Variants in LRCH3 observed in about 807,000 individuals in gnomAD.
The protein encoded by LRCH3 is leucine rich repeats and calponin homology domain containing 3, also known as DISP complex protein LRCH3.
LRCH3 carries 68 observed loss-of-function variants against 104.5 expected under a neutral mutation model. The ratio of observed to expected loss-of-function variants is 0.65; its 90% CI spans 0.54 to 0.80. LRCH3 has a LOEUF of 0.80. Ranked by LOEUF, LRCH3 falls within the 30% of genes least tolerant of loss-of-function variation. The pLI is 0.00. For synonymous variants in LRCH3, 344 were observed against 361.3 expected (o/e 0.95, Z 0.54); for missense variants, 951 against 953.9 (o/e 1.00, Z 0.04).
At chr3:197,800,636 TC>T (rs1440282932) in intron 1 of LRCH3, among the ~76,000 whole-genome samples, 1 of 152,206 alleles carries the variant, frequency 6.6e-6, no homozygotes, top group East Asian at 1.9e-4. Flanking sequence ...ATACACATAT[TC>T]TGTGACTCAG....
rs1714289603 is a variant in LRCH3, at chr3:197,887,373, T to A, written c.*3707T>A. On this transcript the variant is annotated 3_prime_UTR_variant, in exon 21 of 21. Transcript: ENST00000425562. ...GAGCCCCCCAGCAGAGCCCTTCCCA[T>A]CACTGACAGTGTGTCGGCAGCTGAG... 2 of 147,260 alleles carry A rather than the reference T, an allele frequency of 1.4e-5. No homozygotes were observed. Among genetic ancestry groups the A allele is most frequent in the Admixed American group, 1.4e-4 (2 of 14,510 alleles). 9.1% of individuals were successfully genotyped at this position (147,260 alleles called of 1,614,324 possible). A position where few individuals can be genotyped will look rare whatever the true frequency, so the allele number is the denominator to read the frequency against.
chr3:197,867,500 T>A (rs1416175655), intron 17 of LRCH3, among the ~76,000 whole-genome samples: 1 of 151,766 alleles, frequency 6.6e-6, no homozygotes, highest in Non-Finnish European at 1.5e-5. Flanking sequence ...ATGGGATCAC[T>A]TGAGCTCAGG....
rs1733887934 is a variant in LRCH3, at chr3:197,817,112, AAG to A, written c.408-58_408-57del. The stretch of plus-strand genomic sequence containing the variant: ...TTATTTTACTGAGTATAGCGTGAGA[AAG>A]AGAGAAAATTTTTCTTCAGTGGTGG... On this transcript the variant is annotated intron_variant, in intron 2 of 20. Transcript: ENST00000425562. The A allele has an allele frequency of 5.4e-6, 8 of 1,483,328 alleles. No individual in the cohort carries two copies. In the South Asian group the frequency reaches 6.3e-5, roughly 12 times the overall value. 91.9% of individuals were successfully genotyped at this position (1,483,328 alleles called of 1,614,324 possible).
intron 10 of LRCH3, among the ~76,000 whole-genome samples, chr3:197,842,673 A>G (rs1399771762): frequency 6.6e-6 from 1 of 152,210 alleles, no homozygotes; most frequent in Non-Finnish European, 1.5e-5. Flanking sequence ...GGGAGATCAT[A>G]AACATAGGGA....
At chr3:197,867,817 C>T (rs150070717) in intron 17 of LRCH3, among the ~76,000 whole-genome samples, 16,456 of 151,698 alleles carry the variant, frequency 0.11, 925 homozygotes, top group African/African-American at 0.13. Context: ...ATCGCACCAC[C>T]GCACTCCAGC....
chr3:197,811,337 T>A, intron 1 of LRCH3, among the ~76,000 whole-genome samples: 1 of 152,320 alleles, frequency 6.6e-6, no homozygotes, highest in East Asian at 1.9e-4. Flanking sequence ...CATTTACCAT[T>A]TCTTTATATG....
chr3:197,832,159 A>C (rs773453040), intron 7 of LRCH3, 38 bp from the exon 8 acceptor site: 72 of 1,591,366 alleles, frequency 4.5e-5, no homozygotes, highest in Non-Finnish European at 5.7e-5. Context: ...GCCAGGCTCT[A>C]AAATGATTGT....
At chr3:197,830,961 AC>A (rs1282657661) in intron 7 of LRCH3, 98 bp downstream of exon 7, 1 of 1,043,202 alleles carries the variant, frequency 9.6e-7, no homozygotes, top group African/African-American at 1.6e-5. Flanking sequence ...GTTTCTCACT[AC>A]ATAAAATACA....
At chr3:197,820,281 T>A (rs1734334448) in intron 3 of LRCH3, 44 bp from the exon 4 acceptor site, 10 of 1,377,336 alleles carry the variant, frequency 7.3e-6, no homozygotes, top group Non-Finnish European at 1.0e-5. Context: ...GCAGACAAGT[T>A]TGTAATGTTA....
chr3:197,813,606 C>T (rs994537921), intron 1 of LRCH3, among the ~76,000 whole-genome samples: 5 of 144,202 alleles, frequency 3.5e-5, no homozygotes, highest in Admixed American at 2.1e-4. Flanking sequence ...TCTCTGCTCA[C>T]TGCAACCTCT....
intron 9 of LRCH3, among the ~76,000 whole-genome samples, chr3:197,837,918 G>C (rs1026654824): frequency 4.6e-5 from 7 of 152,020 alleles, no homozygotes; most frequent in African/African-American, 1.7e-4. Context: ...AACTTAGCTG[G>C]GTGTCATGGC....
In LRCH3 at chr3:197,847,920, G is replaced by C; in HGVS notation, c.1429G>C (p.Glu477Gln). ...TCATCAGAGAAGGGAGCAGTTAGTA[G>C]AGCGCACTCGGAGAGAGGCTCAGCT... ...ELHQRREQLV[E>Q]RTRREAQLAA... Residue 477 changes from glutamate (E) to glutamine (Q), a missense_variant, in exon 12 of 21, where the codon GAG becomes CAG. Physicochemically the swap from Glu to Gln is conservative, Grantham distance 29. Coordinates refer to ENST00000425562, the MANE Select transcript of LRCH3 (RefSeq NM_001365715.1). The C allele has an allele frequency of 6.2e-7, 1 of 1,614,094 alleles. No homozygotes were observed. The highest frequency in any genetic ancestry group is 8.5e-7 in the Non-Finnish European group (1 of 1,180,000).
At chr3:197,803,120 T>G (rs1049123031) in intron 1 of LRCH3, among the ~76,000 whole-genome samples, 2 of 152,216 alleles carry the variant, frequency 1.3e-5, no homozygotes, top group African/African-American at 2.4e-5. Flanking sequence ...TTGATTATAA[T>G]AAAAGGAATA....
intron 10 of LRCH3, among the ~76,000 whole-genome samples, chr3:197,842,863 TCACCTGAG>T (rs1256245868): frequency 6.6e-6 from 1 of 152,046 alleles, no homozygotes; most frequent in Non-Finnish European, 1.5e-5. Context: ...GGCCAGCAGA[TCACCTGAG>T]CTCAGGAGTT....
In LRCH3 at chr3:197,856,853, T is replaced by C; in HGVS notation, c.1645-1981T>C. On this transcript the variant is annotated intron_variant, in intron 14 of 20. Coordinates refer to ENST00000425562, the MANE Select transcript of LRCH3 (RefSeq NM_001365715.1). The surrounding 1 kb of genome is among the most constrained non-coding windows in gnomAD (Gnocchi z 4.2). Reference sequence around the variant, plus strand: ...AATATTTCCTGAATGAACATATAAATTCTGTGCATCTACTGATTATTAAAT... The same window carrying C: ...AATATTTCCTGAATGAACATATAAACTCTGTGCATCTACTGATTATTAAAT... Among the ~76,000 whole-genome samples the C allele has an allele frequency of 6.6e-6, 1 of 152,244 alleles. No homozygotes were observed.
chr3:197,839,156 A>G (rs1274769045), intron 9 of LRCH3, among the ~76,000 whole-genome samples, 165 bp from the exon 10 acceptor site: 1 of 152,252 alleles, frequency 6.6e-6, no homozygotes, highest in Non-Finnish European at 1.5e-5. Context: ...TTAAAGCAGC[A>G]GTATAGCATA....
In LRCH3 at chr3:197,852,548, TG is replaced by T; in HGVS notation, c.1531-10del. ...ACCAACTTCCTTTTTTGGGGGGTTT[TG>T]GGATTATACAGCAAAAAGCATCACA... On this transcript the variant is annotated splice_polypyrimidine_tract_variant and intron_variant, in intron 12 of 20. Coordinates refer to ENST00000425562, the MANE Select transcript of LRCH3 (RefSeq NM_001365715.1). The T allele has an allele frequency of 6.2e-7, 1 of 1,613,612 alleles. No homozygotes were observed. Among genetic ancestry groups the T allele is most frequent in the East Asian group, 2.2e-5 (1 of 44,870 alleles).
chr3:197,791,646 C>A (rs1256180446), intron 1 of LRCH3, 106 bp downstream of exon 1: 66 of 1,293,388 alleles, frequency 5.1e-5, no homozygotes, highest in Non-Finnish European at 6.5e-5. Flanking sequence ...GTCCCGTAGG[C>A]GCCGGGTCCG....
At chr3:197,812,322 T>C (rs1229227541) in intron 1 of LRCH3, among the ~76,000 whole-genome samples, 1 of 152,168 alleles carries the variant, frequency 6.6e-6, no homozygotes, top group Non-Finnish European at 1.5e-5. Flanking sequence ...TGTTGTACCA[T>C]GTCAAAGAAT....
Sources: allele counts gnomAD v4.1 joint callset (sites outside exome capture counted in the v4.1 genomes callset), GRCh38; gene constraint gnomAD v4.1.1; non-coding constraint Gnocchi (gnomAD v3.1); transcripts MANE v1.5; gene names NCBI Gene and HGNC (gene_info 2026-07-23, HGNC 2026-07-21).